The following CIT variants were observed in gnomAD, a reference collection of about 807,000 sequenced individuals.
CIT encodes the protein citron Rho-interacting kinase.
A neutral mutation model predicts 272.7 loss-of-function variants in CIT; 79 were observed. The observed-to-expected ratio is 0.29, with a 90% CI of 0.24 to 0.35. The LOEUF is 0.35. Ranked by LOEUF, CIT falls within the 10% of genes least tolerant of loss-of-function variation. The probability of loss-of-function intolerance (pLI) is 1.00; values close to 1 mark genes in which losing one functional copy is unlikely to be tolerated. For synonymous variants in CIT, 948 were observed against 995.6 expected, an observed-to-expected ratio of 0.95 and a Z score of 0.90; for missense variants, 1,909 against 2,618.3, an observed-to-expected ratio of 0.73 and a Z score of 5.91.
At chr12:119,711,103 A>G (rs757211776) in intron 37 of CIT, 64 of 1,366,488 alleles carry the variant, frequency 4.7e-5, no homozygotes, top group South Asian at 1.0e-4. Context: ...CCTATTGTAC[A>G]CATATTAACA....
In CIT at chr12:119,690,540, G is replaced by T; in HGVS notation, c.5883-86C>A. 3 of 1,279,994 alleles carry T rather than the reference G, an allele frequency of 2.3e-6. No homozygotes were observed. The highest frequency in any genetic ancestry group is 2.1e-6 in the Non-Finnish European group (2 of 954,186). The allele number at this position is 1,279,994 out of a possible 1,614,324, so 79.3% of individuals were successfully genotyped here. A position where few individuals can be genotyped will look rare whatever the true frequency, so the allele number is the denominator to read the frequency against. On this transcript the variant is annotated intron_variant, in intron 46 of 47. Transcript: ENST00000392521. The surrounding 1 kb of genome is among the most constrained non-coding windows in gnomAD (Gnocchi z 6.0). Reference sequence around the variant, plus strand: ...TTCTTACCTGAGCAACCCCCTCCTTGACCCAGCCTCACCACTGATTATCAA... The same window carrying T: ...TTCTTACCTGAGCAACCCCCTCCTTTACCCAGCCTCACCACTGATTATCAA...
chr12:119,805,489 C>G (rs1431765943), intron 9 of CIT, among the ~76,000 whole-genome samples: 1 of 152,216 alleles, frequency 6.6e-6, no homozygotes, highest in African/African-American at 2.4e-5. Context: ...ACCTGCAGGT[C>G]TTGAAAGCTA....
chr12:119,758,231 A>G (rs1045169674), intron 21 of CIT, among the ~76,000 whole-genome samples: 9 of 152,334 alleles, frequency 5.9e-5, no homozygotes, highest in African/African-American at 2.2e-4. Flanking sequence ...TAACCTAGTG[A>G]CAACTAAATG....
At chr12:119,696,011 C>T (rs992438944) in intron 46 of CIT, among the ~76,000 whole-genome samples, 8 of 152,172 alleles carry the variant, frequency 5.3e-5, no homozygotes, top group African/African-American at 1.4e-4. Context: ...TTTATTGAAT[C>T]TACAGAGGCA....
intron 28 of CIT, among the ~76,000 whole-genome samples, chr12:119,725,858 G>A (rs1032612091): frequency 6.6e-6 from 1 of 152,188 alleles, no homozygotes; most frequent in Non-Finnish European, 1.5e-5. Context: ...TGTTCTTTCT[G>A]TTTGCAGGAT....
At position 119,857,670 on chromosome 12, in the gene CIT, C is replaced by T; in HGVS notation, c.267G>A (p.Glu89=). The change falls in exon 4 of 48, where the codon GAG becomes GAA. Residue 89 remains glutamate (E), a synonymous_variant. Transcript: ENST00000392521. ...KYSDTIAELQ[E]LQPSAKDFEV... ...CGAAGTCCTTTGCCGAAGGCTGGAG[C>T]TCCTGTAACTCAGCTATGGTGTCGG... The T allele has an allele frequency of 6.2e-7, 1 of 1,614,080 alleles. No homozygotes were observed. The highest frequency in any genetic ancestry group is 8.5e-7 in the Non-Finnish European group (1 of 1,180,040).
At position 119,782,718 on chromosome 12, in the gene CIT, TG is replaced by T. The variant is rs539324368; in HGVS notation, c.1546-82del. 1.1e-3 allele frequency: 1,679 copies of T among 1,552,260 alleles called. 3 individuals are homozygous for T. The highest frequency in any genetic ancestry group is 1.4e-3 in the Admixed American group (79 of 56,306). On this transcript the variant is annotated intron_variant, in intron 12 of 47. Transcript: ENST00000392521. ...AAGACTCATTAAGAGAGCTGCAAGC[TG>T]CTTCGCAGACACCAGGACAGTTTCG...
chr12:119,689,435 T>C (rs1283566773), intron 47 of CIT, among the ~76,000 whole-genome samples: 1 of 151,872 alleles, frequency 6.6e-6, no homozygotes, highest in Non-Finnish European at 1.5e-5. Flanking sequence ...TGTGAATCTA[T>C]ATCTATGTTT....
rs1289396879 is a variant in CIT, at chr12:119,804,605, GCT to G, written c.1112-1218_1112-1217del. On this transcript the variant is annotated intron_variant, in intron 9 of 47. Coordinates refer to ENST00000392521, the MANE Select transcript of CIT (RefSeq NM_001206999.2). This position sits in a 1 kb window ranked among gnomAD's most constrained non-coding sequence, Gnocchi z 5.3. ...TTTAACTCCTCGTTTTCTGGACAAA[GCT>G]GGGTGCCAGATATGAGCAGCAAGCA... 5 of 514,266 alleles carry G rather than the reference GCT, an allele frequency of 9.7e-6. No homozygotes were observed. Among genetic ancestry groups the G allele is most frequent in the Non-Finnish European group, 1.3e-5 (5 of 399,398 alleles). The allele number at this position is 514,266 out of a possible 1,614,324, so 31.9% of individuals were successfully genotyped here.
rs3809307 is a variant in CIT at position 119,813,054 on chromosome 12, C to T, written c.1112-9665G>A. Among the ~76,000 whole-genome samples the T allele has an allele frequency of 5.3e-5, 8 of 152,180 alleles. No homozygotes were observed. In the East Asian group the frequency reaches 7.7e-4, roughly 15 times the overall value. On this transcript the variant is annotated intron_variant, in intron 9 of 47. Transcript: ENST00000392521. ...CCCCTGTTGTGGCAAGGCCCCCCTC[C>T]GACCCCGTTCATGAGGGGAGGCCAC...
chr12:119,746,415 A>G (rs1002264422), intron 23 of CIT, among the ~76,000 whole-genome samples: 1 of 152,230 alleles, frequency 6.6e-6, no homozygotes, highest in Non-Finnish European at 1.5e-5. Context: ...TTTGGCCTGT[A>G]ATTTGCCAGT....
chr12:119,804,616 G>T lies in CIT; in HGVS notation c.1112-1227C>A. The T allele has an allele frequency of 2.5e-6, 1 of 403,424 alleles. No homozygotes were observed. The highest frequency in any genetic ancestry group is 3.4e-6 in the Non-Finnish European group (1 of 297,796). 25.0% of individuals were successfully genotyped at this position (403,424 alleles called of 1,614,324 possible). On this transcript the variant is annotated intron_variant, in intron 9 of 47. Transcript: ENST00000392521. This position sits in a 1 kb window ranked among gnomAD's most constrained non-coding sequence, Gnocchi z 5.3. ...GTTTTCTGGACAAAGCTGGGTGCCA[G>T]ATATGAGCAGCAAGCAGTCTGTTTT...
At chr12:119,795,705 C>G (rs946659287) in intron 10 of CIT, among the ~76,000 whole-genome samples, 4 of 152,150 alleles carry the variant, frequency 2.6e-5, no homozygotes. Context: ...AGATATTGCT[C>G]CAAGTCTTAG....
At chr12:119,716,207 A>C (rs186240060) in intron 32 of CIT, among the ~76,000 whole-genome samples, 13 of 151,700 alleles carry the variant, frequency 8.6e-5, no homozygotes, top group African/African-American at 3.1e-4. Context: ...GTGAAACCCT[A>C]TCTCTACTAA....
chr12:119,820,545 C>T (rs1967610074), intron 9 of CIT, among the ~76,000 whole-genome samples: 1 of 151,820 alleles, frequency 6.6e-6, no homozygotes, highest in East Asian at 1.9e-4. Context: ...AAGACTGTGT[C>T]TCAAAAAATA....
intron 2 of CIT, among the ~76,000 whole-genome samples, chr12:119,870,218 C>T (rs183822258): frequency 1.5e-4 from 23 of 152,292 alleles, no homozygotes; most frequent in Admixed American, 1.2e-3. Context: ...GAATGTGACA[C>T]AAGTGACACT....
chr12:119,832,661 A>G, intron 7 of CIT, 110 bp downstream of exon 7: 1 of 874,120 alleles, frequency 1.1e-6, no homozygotes, highest in Non-Finnish European at 1.8e-6. Flanking sequence ...TACACTGCCA[A>G]AGGCTCCAAA....
intron 5 of CIT, among the ~76,000 whole-genome samples, chr12:119,836,474 T>G (rs1269471354): frequency 2.0e-5 from 3 of 151,976 alleles, no homozygotes; most frequent in Non-Finnish European, 4.4e-5. Flanking sequence ...AACCTGGTTC[T>G]CCATAGGCCC....
intron 7 of CIT, among the ~76,000 whole-genome samples, chr12:119,826,945 TG>T (rs1566096919): frequency 6.6e-6 from 1 of 152,196 alleles, no homozygotes; most frequent in South Asian, 2.1e-4. Context: ...TCTTCCAGCC[TG>T]TAACTTGAAT....
Sources: gnomAD v4.1 joint callset for allele counts (sites outside exome capture counted in the v4.1 genomes callset) on GRCh38, gnomAD v4.1.1 for gene constraint, Gnocchi (gnomAD v3.1) non-coding constraint, MANE v1.5 for transcripts, NCBI Gene and HGNC (gene_info 2026-07-23, HGNC 2026-07-21) for gene names.